The following RAPGEF4 variants were observed in gnomAD, a reference collection of about 807,000 sequenced individuals.
RAPGEF4 encodes RAP guanine-nucleotide-exchange factor (GEF) 4.
In RAPGEF4, 66 loss-of-function variants were observed where a neutral mutation model predicts 147.9. The ratio of observed to expected loss-of-function variants is 0.45; its 90% CI spans 0.37 to 0.55. The LOEUF (loss-of-function observed/expected upper bound fraction) is 0.55, where lower values mean the gene tolerates loss of function less well. Among genes scored for constraint, RAPGEF4 ranks in the 20% least tolerant of loss-of-function variants. The pLI is 0.00. For synonymous variants in RAPGEF4, 419 were observed against 442.7 expected (o/e 0.95, Z 0.67); for missense variants, 1,071 against 1,257.3 (o/e 0.85, Z 2.24).
intron 1 of RAPGEF4, among the ~76,000 whole-genome samples, chr2:172,750,114 C>T (rs921058153): frequency 6.6e-6 from 1 of 152,114 alleles, no homozygotes; most frequent in Non-Finnish European, 1.5e-5. Context: ...CTGTCTTCTT[C>T]TGAGCCCTCC....
chr2:172,999,659 TA>T (rs750329182), intron 16 of RAPGEF4, among the ~76,000 whole-genome samples: 1 of 152,264 alleles, frequency 6.6e-6, no homozygotes, highest in Non-Finnish European at 1.5e-5. Flanking sequence ...TTTTAACCTA[TA>T]AATTAGATTT....
intron 17 of RAPGEF4, among the ~76,000 whole-genome samples, chr2:173,013,908 T>G (rs1486105987): frequency 2.0e-5 from 3 of 152,122 alleles, no homozygotes; most frequent in African/African-American, 4.8e-5. Flanking sequence ...GCAGGAGCCT[T>G]TCCTCTTCCT....
Position 172,741,997 on chromosome 2 carries a change from C to T in RAPGEF4, c.65+5949C>T, listed in dbSNP as rs576124403. Reference sequence around the variant, plus strand: ...CAGTATGATCTGTGCCACCCCTTCCCTGGCTCCAACATCATCAACTTACAG... The same window carrying T: ...CAGTATGATCTGTGCCACCCCTTCCTTGGCTCCAACATCATCAACTTACAG... On this transcript the variant is annotated intron_variant, in intron 1 of 30. Transcript: ENST00000397081. Among the ~76,000 whole-genome samples, 14 of 152,286 alleles carry T rather than the reference C, an allele frequency of 9.2e-5. No homozygotes were observed. The South Asian group carries it at 2.9e-3, about 32-fold the overall frequency.
intron 6 of RAPGEF4, among the ~76,000 whole-genome samples, chr2:172,947,900 A>C (rs1357230610): frequency 1.3e-5 from 2 of 152,220 alleles, no homozygotes; most frequent in African/African-American, 4.8e-5. Flanking sequence ...TATAAACAGC[A>C]TTTAGATCAA....
At chr2:172,813,676 C>A (rs750550724) in intron 3 of RAPGEF4, among the ~76,000 whole-genome samples, 18 of 151,480 alleles carry the variant, frequency 1.2e-4, no homozygotes, top group Non-Finnish European at 2.5e-4. Context: ...TAACTGCACT[C>A]TCTAACTTAA....
intron 4 of RAPGEF4, among the ~76,000 whole-genome samples, chr2:172,873,596 C>T (rs748769499): frequency 9.2e-5 from 14 of 151,958 alleles, no homozygotes; most frequent in Admixed American, 7.2e-4. Flanking sequence ...TTGTTGTTGC[C>T]GTTGACTTTA....
chr2:172,821,742 A>AG (rs1689084346), intron 4 of RAPGEF4: 1 of 1,020,976 alleles, frequency 9.8e-7, no homozygotes, highest in Non-Finnish European at 1.2e-6. Context: ...AAAGTTAAAA[A>AG]AAAAAAAAAA....
At chr2:172,897,768 A>ATTTTATTTTATTTTATTTC (rs1698658445) in intron 4 of RAPGEF4, among the ~76,000 whole-genome samples, 1 of 6,278 alleles carries the variant, frequency 1.6e-4, no homozygotes, top group African/African-American at 5.7e-4. Context: ...TATTTTATTT[A>ATTTTATTTTATTTTATTTC]TTTTATAGAG....
rs778093051 is a variant in RAPGEF4, at chr2:172,996,525, G to A, written c.1550G>A (p.Arg517His). Residue 517 changes from arginine (R) to histidine (H), a missense_variant, in exon 16 of 31, where the codon CGC (arginine) becomes CAC (histidine). Transcript: ENST00000397081. ...TTAGAGCATTTTCTAGAAACAATAC[G>A]CCTTGAGGCAACTTTAAATGAAGCA... is the stretch of plus-strand genomic sequence containing the variant. ...KILEHFLETI[R>H]LEATLNEATD... 10 of 1,586,476 alleles carry A rather than the reference G, an allele frequency of 6.3e-6. No individual in the cohort carries two copies. Among genetic ancestry groups the A allele is most frequent in the East Asian group, 2.3e-5 (1 of 43,012 alleles).
chr2:172,986,838 C>T (rs568820498), intron 12 of RAPGEF4, among the ~76,000 whole-genome samples: 6 of 152,112 alleles, frequency 3.9e-5, no homozygotes, highest in South Asian at 2.1e-4. Context: ...GGATTACAGG[C>T]GTGTGCCACC....
chr2:172,941,972 T>C (rs80202191), intron 6 of RAPGEF4, among the ~76,000 whole-genome samples: 3,329 of 152,092 alleles, frequency 0.022, 118 homozygotes, highest in African/African-American at 0.075. Context: ...CTCATTTACA[T>C]CTCTGGTCAT....
chr2:172,763,376 CA>C (rs1696524551), intron 1 of RAPGEF4, among the ~76,000 whole-genome samples: 1 of 152,298 alleles, frequency 6.6e-6, no homozygotes, highest in Non-Finnish European at 1.5e-5. Context: ...CAGTCCTTGC[CA>C]TTATAGAAAT....
intron 4 of RAPGEF4, among the ~76,000 whole-genome samples, chr2:172,897,100 A>G (rs1698556105): frequency 6.6e-6 from 1 of 152,164 alleles, no homozygotes; most frequent in Admixed American, 6.5e-5. Flanking sequence ...AACCAGGAGA[A>G]TACATGGGGC....
intron 1 of RAPGEF4, among the ~76,000 whole-genome samples, chr2:172,759,918 G>A (rs1696132671): frequency 6.6e-6 from 1 of 152,188 alleles, no homozygotes; most frequent in Admixed American, 6.5e-5. Flanking sequence ...AGAGAGAAAA[G>A]GCAGACTGGC....
chr2:172,736,345 T>C (rs1307390286), intron 1 of RAPGEF4: 2 of 248,480 alleles, frequency 8.0e-6, no homozygotes, highest in African/African-American at 2.3e-5. Flanking sequence ...GCTCCGCTCC[T>C]GGGTGGGGGT....
intron 6 of RAPGEF4, among the ~76,000 whole-genome samples, chr2:172,946,798 G>T (rs1238838789): frequency 6.6e-6 from 1 of 152,094 alleles, no homozygotes; most frequent in Non-Finnish European, 1.5e-5. Context: ...CATCATTTTG[G>T]GCCAGCCAAC....
chr2:173,008,206 T>G (rs1159974214), intron 17 of RAPGEF4, among the ~76,000 whole-genome samples: 2 of 152,166 alleles, frequency 1.3e-5, no homozygotes, highest in Admixed American at 6.5e-5. Context: ...CCTTCCACCA[T>G]GATTGTAAGT....
At position 173,020,730 on chromosome 2, in the gene RAPGEF4, C is replaced by T. The variant is rs766861117; in HGVS notation, c.2253+15C>T. ...TCGATTCACTGGTAGGTGTGGATGGCCTGCTCAGAGCAGCATTGCAATCAG... is the reference window on the plus strand; with the variant it reads ...TCGATTCACTGGTAGGTGTGGATGGTCTGCTCAGAGCAGCATTGCAATCAG... On this transcript the variant is annotated intron_variant, in intron 23 of 30. Transcript: ENST00000397081. The T allele has an allele frequency of 2.0e-5, 32 of 1,601,656 alleles. No individual in the cohort carries two copies. Among genetic ancestry groups the T allele is most frequent in the African/African-American group, 5.4e-5 (4 of 74,568 alleles).
intron 6 of RAPGEF4, among the ~76,000 whole-genome samples, chr2:172,931,180 G>GC (rs1425983581): frequency 9.4e-6 from 1 of 106,356 alleles, no homozygotes; most frequent in South Asian, 5.2e-4. Context: ...GGTGGGGGGG[G>GC]GGGGCGCTGG....
Sources: allele counts gnomAD v4.1 joint callset (sites outside exome capture counted in the v4.1 genomes callset), GRCh38; gene constraint gnomAD v4.1.1; transcripts MANE v1.5; gene names NCBI Gene and HGNC (gene_info 2026-07-23, HGNC 2026-07-21).